Variants in CUEDC1 observed in about 807,000 individuals in gnomAD.
CUEDC1 encodes CUE domain containing 1.
Under a neutral mutation model 43.7 loss-of-function variants are expected in CUEDC1, and 30 were observed. The observed-to-expected ratio is 0.69, with a 90% CI of 0.51 to 0.93. The LOEUF (loss-of-function observed/expected upper bound fraction) is 0.93, where lower values mean the gene tolerates loss of function less well. Among genes scored for constraint, CUEDC1 ranks in the 40% least tolerant of loss-of-function variants. The pLI, the probability that CUEDC1 is intolerant of heterozygous loss-of-function variation, is 0.00. For missense variants in CUEDC1, 486 were observed against 549.0 expected (o/e 0.89, Z 1.15); for synonymous variants, 223 against 223.6 (o/e 1.00, Z 0.02).
intron 1 of CUEDC1, among the ~76,000 whole-genome samples, chr17:57,917,637 C>T (rs1215775310): frequency 6.6e-6 from 1 of 152,206 alleles, no homozygotes; most frequent in Non-Finnish European, 1.5e-5. Flanking sequence ...GATGTGGAGA[C>T]AGGCACAGAG....
chr17:57,922,034 A>C (rs1320681707), intron 1 of CUEDC1, among the ~76,000 whole-genome samples: 2 of 152,040 alleles, frequency 1.3e-5, no homozygotes, highest in Non-Finnish European at 2.9e-5. Context: ...AATCACTTGA[A>C]CCCAGGAGGT....
chr17:57,872,260 C>T (rs1024179304), intron 5 of CUEDC1, among the ~76,000 whole-genome samples: 3 of 152,390 alleles, frequency 2.0e-5, no homozygotes, highest in East Asian at 1.9e-4. Context: ...CCTCCCCCGC[C>T]CTGGCCTTCA....
At chr17:57,895,270 G>T (rs1038929418) in intron 1 of CUEDC1, among the ~76,000 whole-genome samples, 1 of 152,176 alleles carries the variant, frequency 6.6e-6, no homozygotes, top group African/African-American at 2.4e-5. Flanking sequence ...TCCGATTCCA[G>T]ATTTAACACT....
chr17:57,879,433 A>G (rs928274845), intron 3 of CUEDC1, among the ~76,000 whole-genome samples, 178 bp downstream of exon 3: 1 of 152,222 alleles, frequency 6.6e-6, no homozygotes, highest in Non-Finnish European at 1.5e-5. Context: ...TGCTCTTGCA[A>G]TCCTTACATT....
chr17:57,878,237 T>G (rs1215416468), intron 3 of CUEDC1, among the ~76,000 whole-genome samples: 1 of 152,180 alleles, frequency 6.6e-6, no homozygotes, highest in Non-Finnish European at 1.5e-5. Flanking sequence ...GAACTCCAGC[T>G]CTTAGTCTTG....
chr17:57,864,970 T>A (rs2073935298), intron 10 of CUEDC1, among the ~76,000 whole-genome samples: 1 of 152,128 alleles, frequency 6.6e-6, no homozygotes, highest in Non-Finnish European at 1.5e-5. Context: ...GGCAGGAGAA[T>A]CGCTTGAACC....
chr17:57,879,549 C>T, intron 3 of CUEDC1, 62 bp downstream of exon 3: 1 of 1,506,118 alleles, frequency 6.6e-7, no homozygotes, highest in Non-Finnish European at 8.8e-7. Context: ...TGTTTGTACA[C>T]AGCCCCAGCC....
intron 7 of CUEDC1, among the ~76,000 whole-genome samples, chr17:57,868,704 G>A (rs901255388): frequency 6.6e-6 from 1 of 152,188 alleles, no homozygotes; most frequent in African/African-American, 2.4e-5. Context: ...CTGTGGGTCT[G>A]TGTGGCGGGG....
chr17:57,873,768 G>A, intron 3 of CUEDC1, 51 bp from the exon 4 acceptor site: 1 of 1,493,854 alleles, frequency 6.7e-7, no homozygotes, highest in Non-Finnish European at 9.0e-7. Context: ...CCCAACCCCA[G>A]GTCTCCTGGC....
At chr17:57,913,633 A>G (rs1433858396) in intron 1 of CUEDC1, among the ~76,000 whole-genome samples, 2 of 151,540 alleles carry the variant, frequency 1.3e-5, no homozygotes, top group Non-Finnish European at 2.9e-5. Flanking sequence ...CAGGGACTCT[A>G]GGGAGGAGAG....
intron 1 of CUEDC1, among the ~76,000 whole-genome samples, chr17:57,890,336 T>A (rs2074341848): frequency 6.6e-6 from 1 of 152,110 alleles, no homozygotes; most frequent in African/African-American, 2.4e-5. Context: ...GGTAGCAAGG[T>A]CTCTTGGCTC....
At chr17:57,895,247 T>C (rs1300726963) in intron 1 of CUEDC1, among the ~76,000 whole-genome samples, 4 of 152,226 alleles carry the variant, frequency 2.6e-5, no homozygotes, top group Non-Finnish European at 5.9e-5. Flanking sequence ...AGCTGAAATT[T>C]GAACCCAGAA....
At chr17:57,881,936 C>T (rs1057047521) in intron 2 of CUEDC1, among the ~76,000 whole-genome samples, 2 of 152,184 alleles carry the variant, frequency 1.3e-5, no homozygotes, top group African/African-American at 4.8e-5. Flanking sequence ...AGGAGAGTAA[C>T]CCCAGCAGCA....
chr17:57,885,723 C>T lies in CUEDC1; in HGVS notation c.-159G>A. On this transcript the variant is annotated 5_prime_UTR_variant, in exon 2 of 11. Coordinates refer to ENST00000577830, the MANE Select transcript of CUEDC1 (RefSeq NM_001271875.2). ...CCAGGCAGCAATGGGCTGCCAAGAG[C>T]TCCGGGTTAGGAGAGTACGGGCGCG... 1 of 1,205,376 alleles carries T rather than the reference C, an allele frequency of 8.3e-7. No homozygotes were observed. The highest frequency in any genetic ancestry group is 1.1e-6 in the Non-Finnish European group (1 of 944,918). The allele number at this position is 1,205,376 out of a possible 1,614,324, so 74.7% of individuals were successfully genotyped here.
chr17:57,892,965 G>A (rs1027476918), intron 1 of CUEDC1, among the ~76,000 whole-genome samples: 3 of 152,182 alleles, frequency 2.0e-5, no homozygotes, highest in Non-Finnish European at 4.4e-5. Flanking sequence ...TTGCAACACC[G>A]CCTCTGTGCA....
chr17:57,935,690 C>G (rs192526405), intron 1 of CUEDC1, among the ~76,000 whole-genome samples: 246 of 152,268 alleles, frequency 1.6e-3, no homozygotes, highest in African/African-American at 5.8e-3. Flanking sequence ...GTGTTTACCC[C>G]GGGTGCAGCC....
At chr17:57,941,393 T>C (rs1176420710) in intron 1 of CUEDC1, among the ~76,000 whole-genome samples, 1 of 152,198 alleles carries the variant, frequency 6.6e-6, no homozygotes, top group Non-Finnish European at 1.5e-5. Flanking sequence ...AGGGTTGCCA[T>C]ATACAGTTAT....
At chr17:57,942,378 G>A (rs373660869) in intron 1 of CUEDC1, among the ~76,000 whole-genome samples, 1 of 151,618 alleles carries the variant, frequency 6.6e-6, no homozygotes, top group Non-Finnish European at 1.5e-5. Flanking sequence ...GTTTTTTTTC[G>A]TTTGTTTGTT....
Position 57,873,956 on chromosome 17 carries a change from G to A in CUEDC1, c.465-239C>T, listed in dbSNP as rs554911609. Among the ~76,000 whole-genome samples the A allele has an allele frequency of 3.3e-5, 5 of 152,328 alleles. No homozygotes were observed. The South Asian group carries it at 1.0e-3, about 32-fold the overall frequency. Reference sequence around the variant, plus strand: ...CACTCAGTGCCCTTCCAGGTCTCTGGACCTACAGAGCTGTCTGTCCACGGT... The same window carrying A: ...CACTCAGTGCCCTTCCAGGTCTCTGAACCTACAGAGCTGTCTGTCCACGGT... On this transcript the variant is annotated intron_variant, in intron 3 of 10. Transcript: ENST00000577830.
Sources: allele counts gnomAD v4.1 joint callset (sites outside exome capture counted in the v4.1 genomes callset), GRCh38; gene constraint gnomAD v4.1.1; transcripts MANE v1.5; gene names NCBI Gene and HGNC (gene_info 2026-07-23, HGNC 2026-07-21).